EIF2S1: variants seen among roughly 807,000 people sequenced by gnomAD.
EIF2S1 encodes eukaryotic translation initiation factor 2 subunit alpha.
In EIF2S1, 5 loss-of-function variants were observed where a neutral mutation model predicts 33.5. That is an observed-to-expected ratio of 0.15 (90% confidence interval 0.08 to 0.31). The LOEUF (loss-of-function observed/expected upper bound fraction) is 0.31. Ranked by LOEUF, EIF2S1 falls within the 10% of genes least tolerant of loss-of-function variation. The pLI is 1.00. For missense variants in EIF2S1, 191 were observed against 384.6 expected, an observed-to-expected ratio of 0.50 and a Z score of 4.21; for synonymous variants, 99 against 127.5, an observed-to-expected ratio of 0.78 and a Z score of 1.51.
At chr14:67,380,985 A>G (rs2085884852) in intron 5 of EIF2S1, among the ~76,000 whole-genome samples, 1 of 152,154 alleles carries the variant, frequency 6.6e-6, no homozygotes, top group South Asian at 2.1e-4. Context: ...CAGCTAACCT[A>G]AAGGTAGCCC....
chr14:67,382,757 A>C (rs2085894758), intron 7 of EIF2S1, 167 bp downstream of exon 7: 2 of 692,640 alleles, frequency 2.9e-6, no homozygotes, highest in Non-Finnish European at 4.9e-6. Flanking sequence ...GCCAGGGGGA[A>C]GGGAATAAAC....
At chr14:67,374,034 A>G (rs3784082) in intron 2 of EIF2S1, among the ~76,000 whole-genome samples, 28,718 of 151,964 alleles carry the variant, frequency 0.19, 4,318 homozygotes, top group East Asian at 0.48. Flanking sequence ...AGGTAATGGA[A>G]TATATATAAT....
Position 67,384,553 on chromosome 14 carries a change from A to G in EIF2S1, c.*1113A>G, listed in dbSNP as rs990949751. ...TTATGATACTTGAGGTACCAGTTGT[A>G]TTTAATTTTATTCATTATCCCTAGA... is the stretch of plus-strand genomic sequence containing the variant. On this transcript the variant is annotated 3_prime_UTR_variant, in exon 8 of 8. Coordinates refer to ENST00000256383, the MANE Select transcript of EIF2S1 (RefSeq NM_004094.5). The G allele has an allele frequency of 6.6e-6, 1 of 152,138 alleles. No homozygotes were observed. The highest frequency in any genetic ancestry group is 1.5e-5 in the Non-Finnish European group (1 of 68,006). The allele number at this position is 152,138 out of a possible 1,614,324, so 9.4% of individuals were successfully genotyped here. A position where few individuals can be genotyped will look rare whatever the true frequency, so the allele number is the denominator to read the frequency against.
intron 3 of EIF2S1, 68 bp downstream of exon 3, chr14:67,374,615 T>C: frequency 9.7e-7 from 1 of 1,028,374 alleles, no homozygotes; most frequent in Non-Finnish European, 1.5e-6. Context: ...AAATCTTAAT[T>C]TCATACTGCT....
At chr14:67,382,781 A>G (rs548904090) in intron 7 of EIF2S1, 191 bp downstream of exon 7, 2 of 597,238 alleles carry the variant, frequency 3.3e-6, no homozygotes, top group African/African-American at 3.7e-5. Context: ...ATAAATGAGA[A>G]GTTTTTTTAT....
rs200787889 is a variant in EIF2S1 at position 67,362,106 on chromosome 14, C to CT, written c.-2+1651dup. On this transcript the variant is annotated intron_variant, in intron 1 of 7. Coordinates refer to ENST00000256383, the MANE Select transcript of EIF2S1 (RefSeq NM_004094.5). ...GCACGATCTCAGCTCACTGTAGCCT[C>CT]TGCCCCTGGGTTCAAGGGATTCTCC... 6.1e-3 allele frequency among the ~76,000 whole-genome samples: 918 copies of CT among 150,354 alleles called. 2 individuals are homozygous for CT. Among genetic ancestry groups the CT allele is most frequent in the Admixed American group, 0.01 (151 of 15,000 alleles).
In EIF2S1 at chr14:67,382,606, T is replaced by G. The variant is rs532437432; in HGVS notation, c.822+16T>G. ...TCAAATGGAGGTGAGATCAATAGAT[T>G]CATTTTTAATAATGACTCAGGAGGT... On this transcript the variant is annotated intron_variant, in intron 7 of 7. Transcript: ENST00000256383. 1.9e-6 allele frequency: 3 copies of G among 1,613,640 alleles called. No homozygotes were observed. The South Asian group carries it at 3.3e-5, about 18-fold the overall frequency.
chr14:67,379,067 T>G (rs2085872530), intron 4 of EIF2S1, among the ~76,000 whole-genome samples: 1 of 152,246 alleles, frequency 6.6e-6, no homozygotes, highest in Non-Finnish European at 1.5e-5. Context: ...TATTAATCTC[T>G]ATATAGTATT....
chr14:67,374,763 C>T (rs773292958), intron 3 of EIF2S1: 2 of 369,194 alleles, frequency 5.4e-6, no homozygotes, highest in Non-Finnish European at 4.9e-6. Flanking sequence ...TCATAAAATA[C>T]GGGGTTTTTT....
intron 2 of EIF2S1, 46 bp from the exon 3 acceptor site, chr14:67,374,422 A>C (rs2085845846): frequency 8.1e-7 from 1 of 1,238,228 alleles, no homozygotes; most frequent in African/African-American, 1.5e-5. Flanking sequence ...ACAATAGTAC[A>C]GTGGCATCTG....
intron 2 of EIF2S1, among the ~76,000 whole-genome samples, chr14:67,368,055 C>T (rs1397772215): frequency 6.6e-6 from 1 of 152,136 alleles, no homozygotes. Context: ...AAAACTTTTA[C>T]TACTTATATT....
chr14:67,376,766 G>A (rs1311069965), intron 4 of EIF2S1, among the ~76,000 whole-genome samples, 176 bp downstream of exon 4: 5 of 152,224 alleles, frequency 3.3e-5, no homozygotes, highest in Non-Finnish European at 7.3e-5. Flanking sequence ...ATGTATCATA[G>A]TTATGTAGAT....
chr14:67,380,050 G>A (rs1318667969), intron 4 of EIF2S1, among the ~76,000 whole-genome samples: 1 of 152,128 alleles, frequency 6.6e-6, no homozygotes, highest in Non-Finnish European at 1.5e-5. Flanking sequence ...AGTCACTGGT[G>A]CCCAGCCTTA....
intron 2 of EIF2S1, among the ~76,000 whole-genome samples, chr14:67,370,432 TG>T (rs983652602): frequency 2.6e-5 from 4 of 152,214 alleles, no homozygotes; most frequent in African/African-American, 7.2e-5. Context: ...ACTTGTTTTT[TG>T]TTTTTTTAAA....
chr14:67,375,436 A>G (rs2085852422), intron 3 of EIF2S1, among the ~76,000 whole-genome samples: 1 of 151,684 alleles, frequency 6.6e-6, no homozygotes, highest in Admixed American at 6.6e-5. Context: ...CTCAGTTCTT[A>G]GTGGTACTGT....
In EIF2S1 at chr14:67,384,324, G is replaced by C. The variant is rs552942330; in HGVS notation, c.*884G>C. ...CCACTAGATGCCACCTAGAGCTCCA[G>C]TTCTTTATAACAAAACAGGGATCTG... On this transcript the variant is annotated 3_prime_UTR_variant, in exon 8 of 8. Coordinates refer to ENST00000256383, the MANE Select transcript of EIF2S1 (RefSeq NM_004094.5). The C allele has an allele frequency of 6.7e-6, 1 of 148,470 alleles. No individual in the cohort carries two copies. Among genetic ancestry groups the C allele is most frequent in the Non-Finnish European group, 1.5e-5 (1 of 67,434 alleles). 9.2% of individuals were successfully genotyped at this position (148,470 alleles called of 1,614,324 possible).
intron 2 of EIF2S1, among the ~76,000 whole-genome samples, chr14:67,372,830 A>C (rs928910537): frequency 3.3e-5 from 5 of 151,970 alleles, no homozygotes; most frequent in African/African-American, 1.2e-4. Context: ...CCATCTCAAA[A>C]AAAAAAACAA....
intron 2 of EIF2S1, among the ~76,000 whole-genome samples, chr14:67,368,334 A>G (rs901598552): frequency 7.9e-5 from 12 of 152,138 alleles, no homozygotes; most frequent in Non-Finnish European, 2.9e-5. Context: ...GTATGAGTTT[A>G]TGGGCTCCAG....
At chr14:67,368,668 T>TA (rs11412705) in intron 2 of EIF2S1, among the ~76,000 whole-genome samples, 23,542 of 152,036 alleles carry the variant, frequency 0.15, 3,451 homozygotes, top group East Asian at 0.42. Context: ...TAACGATTCT[T>TA]ACATTTTATG....
Sources: gnomAD v4.1 joint callset for allele counts (sites outside exome capture counted in the v4.1 genomes callset) on GRCh38, gnomAD v4.1.1 for gene constraint, MANE v1.5 for transcripts, NCBI Gene and HGNC (gene_info 2026-07-23, HGNC 2026-07-21) for gene names.